The following NRXN3 variants were observed in gnomAD, a reference collection of about 807,000 sequenced individuals.
NRXN3 encodes neurexin III.
Under a neutral mutation model 137.6 loss-of-function variants are expected in NRXN3, and 32 were observed. That is an observed-to-expected ratio of 0.23 (90% CI 0.18 to 0.31). NRXN3 has a LOEUF of 0.31. Among genes scored for constraint, NRXN3 ranks in the 10% least tolerant of loss-of-function variants. NRXN3 has a pLI of 1.00. For synonymous variants in NRXN3, 798 were observed against 784.5 expected (o/e 1.02, Z -0.29); for missense variants, 1,574 against 2,062.5 (o/e 0.76, Z 4.59).
intron 4 of NRXN3, among the ~76,000 whole-genome samples, chr14:78,627,823 C>T (rs2097481745): frequency 6.6e-6 from 1 of 152,106 alleles, no homozygotes; most frequent in African/African-American, 2.4e-5. Flanking sequence ...AATTCATCTT[C>T]CTGATATCAT....
At chr14:78,899,863 T>C (rs536908742) in intron 10 of NRXN3, among the ~76,000 whole-genome samples, 11 of 152,038 alleles carry the variant, frequency 7.2e-5, no homozygotes, top group Non-Finnish European at 1.6e-4. Flanking sequence ...TTTAACTCTC[T>C]TTTTCATTTT....
intron 4 of NRXN3, among the ~76,000 whole-genome samples, chr14:78,514,553 A>G (rs1401047643): frequency 1.3e-5 from 2 of 152,218 alleles, no homozygotes; most frequent in African/African-American, 2.4e-5. Context: ...CATTCATTCA[A>G]TCATTGAGTT....
At chr14:79,723,784 T>C (rs1156717349) in intron 19 of NRXN3, among the ~76,000 whole-genome samples, 1 of 152,158 alleles carries the variant, frequency 6.6e-6, no homozygotes, top group African/African-American at 2.4e-5. Context: ...AGTGAACCTC[T>C]GAGCTAGAAA....
intron 20 of NRXN3, among the ~76,000 whole-genome samples, chr14:79,827,682 T>C (rs1402541403): frequency 7.9e-6 from 1 of 126,036 alleles, no homozygotes; most frequent in Non-Finnish European, 1.6e-5. Context: ...GGGGTGGAGA[T>C]GCCACAAACT....
chr14:79,489,454 C>T (rs892952909), intron 16 of NRXN3, among the ~76,000 whole-genome samples: 2 of 152,082 alleles, frequency 1.3e-5, no homozygotes, highest in African/African-American at 4.8e-5. Context: ...AGGAAAAAAT[C>T]TTTGTGGAGT....
At chr14:78,381,609 T>G (rs1172702782) in intron 4 of NRXN3, among the ~76,000 whole-genome samples, 1 of 152,180 alleles carries the variant, frequency 6.6e-6, no homozygotes, top group Non-Finnish European at 1.5e-5. Context: ...TACAAAATCG[T>G]GTACACAAAA....
Position 78,602,267 on chromosome 14 carries a change from C to CTTTT in NRXN3, c.758-42835_758-42832dup, listed in dbSNP as rs370669288. ...GGTTTGGTTTGCATTTCACATTAGC[C>CTTTT]TTTTTTTTTTTTTTTTTTTTTAAAT... On this transcript the variant is annotated intron_variant, in intron 4 of 20. Coordinates refer to ENST00000335750, the MANE Select transcript of NRXN3 (RefSeq NM_001330195.2). Among the ~76,000 whole-genome samples the CTTTT allele has an allele frequency of 3.6e-3, 414 of 115,236 alleles. 6 individuals carry two copies. The Middle Eastern group carries it at 0.04, about 11-fold the overall frequency. 75.6% of individuals were successfully genotyped at this position (115,236 alleles called of 152,430 possible).
At chr14:78,195,908 A>T (rs1267395964) in intron 1 of NRXN3, among the ~76,000 whole-genome samples, 2 of 152,226 alleles carry the variant, frequency 1.3e-5, no homozygotes, top group South Asian at 2.1e-4. Context: ...AACTATCCTC[A>T]GACCTATTTT....
At chr14:78,540,344 C>T (rs966505581) in intron 4 of NRXN3, among the ~76,000 whole-genome samples, 7 of 151,912 alleles carry the variant, frequency 4.6e-5, no homozygotes, top group Non-Finnish European at 1.0e-4. Context: ...TTGAATTGAT[C>T]CCTTTACCAT....
intron 10 of NRXN3, among the ~76,000 whole-genome samples, chr14:78,918,232 C>CCGAGATCA (rs1350580814): frequency 2.1e-5 from 3 of 140,588 alleles, no homozygotes; most frequent in Non-Finnish European, 3.0e-5. Context: ...TTGCAGTAGG[C>CCGAGATCA]CGAGATCACG....
At chr14:79,500,962 A>G (rs1206086447) in intron 16 of NRXN3, among the ~76,000 whole-genome samples, 2 of 152,072 alleles carry the variant, frequency 1.3e-5, no homozygotes, top group Non-Finnish European at 2.9e-5. Flanking sequence ...TTTTTTTCAT[A>G]AATAATAAGA....
chr14:78,645,304 G>C lies in NRXN3; in HGVS notation c.942G>C (p.Ala314=), dbSNP rs753908120. ...DYVNLALKDG[A]VSLVINLGSG... is the part of the protein sequence containing the mutation. The stretch of plus-strand genomic sequence containing the variant: ...TCAACCTGGCTCTGAAGGATGGTGC[G>C]GTCTCCTTGGTCATTAACCTGGGGT... Residue 314 remains alanine, a synonymous_variant, in exon 5 of 21, where the codon GCG becomes GCC. Coordinates refer to ENST00000335750, the MANE Select transcript of NRXN3 (RefSeq NM_001330195.2). 1.9e-5 allele frequency: 31 copies of C among 1,598,600 alleles called. No homozygotes were observed. Among genetic ancestry groups the C allele is most frequent in the Admixed American group, 1.2e-4 (7 of 59,976 alleles).
chr14:79,330,955 C>G (rs890380769), intron 15 of NRXN3, among the ~76,000 whole-genome samples: 1 of 152,066 alleles, frequency 6.6e-6, no homozygotes, highest in Non-Finnish European at 1.5e-5. Context: ...GGCTCAGTAA[C>G]GTTTCACTTA....
At chr14:78,630,712 C>G (rs60501605) in intron 4 of NRXN3, among the ~76,000 whole-genome samples, 9,221 of 151,488 alleles carry the variant, frequency 0.061, 340 homozygotes, top group Middle Eastern at 0.15. Flanking sequence ...TCACGCCATT[C>G]TCCTGCCTCA....
chr14:79,817,203 C>A (rs143374984), intron 20 of NRXN3, among the ~76,000 whole-genome samples: 7 of 152,182 alleles, frequency 4.6e-5, no homozygotes, highest in African/African-American at 1.7e-4. Flanking sequence ...CAGGCGTGTG[C>A]CACCATACCC....
chr14:78,971,132 A>C (rs1054158618), intron 14 of NRXN3, among the ~76,000 whole-genome samples: 1 of 152,164 alleles, frequency 6.6e-6, no homozygotes, highest in African/African-American at 2.4e-5. Context: ...GGAGCATTTT[A>C]GGGTTCTGTG....
At chr14:78,752,653 T>C (rs1373738940) in intron 8 of NRXN3, among the ~76,000 whole-genome samples, 1 of 152,022 alleles carries the variant, frequency 6.6e-6, no homozygotes, top group Non-Finnish European at 1.5e-5. Context: ...TAAGAAAAAG[T>C]ATAGGCGTGG....
intron 1 of NRXN3, among the ~76,000 whole-genome samples, chr14:78,173,551 C>A (rs1257384142): frequency 6.9e-6 from 1 of 144,478 alleles, no homozygotes; most frequent in Non-Finnish European, 1.5e-5. Flanking sequence ...CCAATCTCCC[C>A]CTCCATCCTC....
rs572285905 is a variant in NRXN3, at chr14:79,410,501, G to A, written c.3263-56720G>A. On this transcript the variant is annotated intron_variant, in intron 15 of 20. Coordinates refer to ENST00000335750, the MANE Select transcript of NRXN3 (RefSeq NM_001330195.2). ...TTTCAGATCTACTAGAGAACTTAAA[G>A]CTTTTTCTTTTCCAGGAATGGCCAA... Among the ~76,000 whole-genome samples the A allele has an allele frequency of 2.0e-5, 3 of 150,264 alleles. No individual in the cohort carries two copies. The East Asian group carries it at 5.9e-4, about 29-fold the overall frequency.
Sources: gnomAD v4.1 joint callset for allele counts (sites outside exome capture counted in the v4.1 genomes callset) on GRCh38, gnomAD v4.1.1 for gene constraint, MANE v1.5 for transcripts, NCBI Gene and HGNC (gene_info 2026-07-23, HGNC 2026-07-21) for gene names.